Variants in PLCB1 observed in about 807,000 individuals in gnomAD.
PLCB1 encodes phospholipase C beta 1, also known as 1-phosphatidylinositol 4,5-bisphosphate phosphodiesterase beta-1.
PLCB1 carries 46 observed loss-of-function variants against 161.8 expected under a neutral mutation model. That is an observed-to-expected ratio of 0.28 (90% confidence interval 0.22 to 0.36). The LOEUF is 0.36. Ranked by LOEUF, PLCB1 falls within the 10% of genes least tolerant of loss-of-function variation. The pLI is 1.00. For synonymous variants in PLCB1, 517 were observed against 503.7 expected (o/e 1.03, Z -0.35); for missense variants, 1,016 against 1,472.5 (o/e 0.69, Z 5.07).
At chr20:8,693,921 A>G (rs1438541184) in intron 10 of PLCB1, among the ~76,000 whole-genome samples, 2 of 152,200 alleles carry the variant, frequency 1.3e-5, no homozygotes, top group Non-Finnish European at 2.9e-5. Context: ...AAGTTCAATC[A>G]TGGACTTGGA....
At chr20:8,553,866 G>A (rs1985858763) in intron 3 of PLCB1, among the ~76,000 whole-genome samples, 1 of 151,832 alleles carries the variant, frequency 6.6e-6, no homozygotes. Context: ...GCTGGGCATG[G>A]TGGTACATGC....
At chr20:8,649,263 T>C in intron 6 of PLCB1, 111 bp from the exon 7 acceptor site, 1 of 668,736 alleles carries the variant, frequency 1.5e-6, no homozygotes, top group Non-Finnish European at 2.7e-6. Context: ...TCTTTAAATA[T>C]GAATAATAAA....
At chr20:8,876,970 T>A (rs1205437275) in intron 31 of PLCB1, among the ~76,000 whole-genome samples, 1 of 152,038 alleles carries the variant, frequency 6.6e-6, no homozygotes, top group Non-Finnish European at 1.5e-5. Context: ...TTCAAGAAGA[T>A]GAGAAATACA....
intron 3 of PLCB1, among the ~76,000 whole-genome samples, chr20:8,615,058 T>C (rs1988008532): frequency 6.6e-6 from 1 of 152,200 alleles, no homozygotes; most frequent in Non-Finnish European, 1.5e-5. Context: ...TTCCTTGCAG[T>C]CTTTGTTCTA....
intron 26 of PLCB1, among the ~76,000 whole-genome samples, chr20:8,767,000 A>T (rs1982351685): frequency 6.6e-6 from 1 of 152,128 alleles, no homozygotes; most frequent in South Asian, 2.1e-4. Flanking sequence ...TTTTAAAAAG[A>T]TCGTAAAATA....
intron 16 of PLCB1, among the ~76,000 whole-genome samples, chr20:8,726,723 G>A (rs1205691132): frequency 6.6e-6 from 1 of 151,966 alleles, no homozygotes; most frequent in Non-Finnish European, 1.5e-5. Flanking sequence ...ATTTTGTGTG[G>A]GGACACACCC....
At position 8,472,066 on chromosome 20, in the gene PLCB1, G is replaced by T. The variant is rs541451547; in HGVS notation, c.246+100616G>T. On this transcript the variant is annotated intron_variant, in intron 3 of 31. Transcript: ENST00000338037. ...AAAATTTTTAAACTATTCCATATTCGTAATAAGTGAAAAAATAATTATTTT... is the reference window on the plus strand; with the variant it reads ...AAAATTTTTAAACTATTCCATATTCTTAATAAGTGAAAAAATAATTATTTT... 5.3e-5 allele frequency among the ~76,000 whole-genome samples: 8 copies of T among 152,114 alleles called. No individual in the cohort carries two copies. In the East Asian group the frequency reaches 1.4e-3, roughly 26 times the overall value.
At chr20:8,712,260 A>T (rs1004020727) in intron 12 of PLCB1, among the ~76,000 whole-genome samples, 4 of 152,064 alleles carry the variant, frequency 2.6e-5, no homozygotes, top group Non-Finnish European at 5.9e-5. Context: ...ACGCCACTGC[A>T]CTCCAGCCTG....
chr20:8,828,395 A>G (rs1220501188), intron 31 of PLCB1, among the ~76,000 whole-genome samples: 1 of 152,244 alleles, frequency 6.6e-6, no homozygotes, highest in Non-Finnish European at 1.5e-5. Flanking sequence ...AGCAATGCCA[A>G]TTATCTTCCT....
intron 2 of PLCB1, among the ~76,000 whole-genome samples, chr20:8,180,488 C>A (rs1162214134): frequency 6.6e-6 from 1 of 152,070 alleles, no homozygotes; most frequent in Non-Finnish European, 1.5e-5. Context: ...AGGCAGAAGA[C>A]CCTCCTCCTC....
chr20:8,837,161 G>A (rs1986320810), intron 31 of PLCB1, among the ~76,000 whole-genome samples: 1 of 152,066 alleles, frequency 6.6e-6, no homozygotes, highest in Non-Finnish European at 1.5e-5. Context: ...ATCACCAGAG[G>A]AAACTCTAAG....
At chr20:8,291,531 A>G (rs1209544508) in intron 2 of PLCB1, among the ~76,000 whole-genome samples, 1 of 152,236 alleles carries the variant, frequency 6.6e-6, no homozygotes, top group Non-Finnish European at 1.5e-5. Flanking sequence ...ATGTGAGTGT[A>G]TAGACACTAC....
chr20:8,421,646 T>A (rs1404851400), intron 3 of PLCB1, among the ~76,000 whole-genome samples: 1 of 152,040 alleles, frequency 6.6e-6, no homozygotes, highest in East Asian at 1.9e-4. Context: ...GTTCCCAAAC[T>A]TTTTTGGCCA....
At chr20:8,551,246 TG>T (rs1161765345) in intron 3 of PLCB1, among the ~76,000 whole-genome samples, 1 of 152,162 alleles carries the variant, frequency 6.6e-6, no homozygotes, top group Non-Finnish European at 1.5e-5. Context: ...AGAAGATCAC[TG>T]GAAGAGATTT....
At position 8,810,799 on chromosome 20, in the gene PLCB1, AC is replaced by A. The variant is rs1390675200; in HGVS notation, c.3423+20539del. On this transcript the variant is annotated intron_variant, in intron 31 of 31. Coordinates refer to ENST00000338037, the MANE Select transcript of PLCB1 (RefSeq NM_015192.4). ...GGCAACATGGCAAAACCCTATCTCT[AC>A]AAAAAATACAAAAATTAGCTAGCTG... 3.3e-5 allele frequency among the ~76,000 whole-genome samples: 5 copies of A among 152,100 alleles called. No individual in the cohort carries two copies. In the East Asian group the frequency reaches 5.8e-4, roughly 18 times the overall value.
chr20:8,671,361 C>T (rs983329519), intron 9 of PLCB1, among the ~76,000 whole-genome samples: 1 of 152,194 alleles, frequency 6.6e-6, no homozygotes, highest in African/African-American at 2.4e-5. Flanking sequence ...TTTCTCTTGT[C>T]CTCATGTTGG....
intron 3 of PLCB1, among the ~76,000 whole-genome samples, chr20:8,497,035 A>C (rs747133050): frequency 6.6e-6 from 1 of 152,220 alleles, no homozygotes; most frequent in Non-Finnish European, 1.5e-5. Flanking sequence ...CTTGCTTGAC[A>C]TAAAATTTTA....
At chr20:8,417,140 G>A (rs1452707513) in intron 3 of PLCB1, among the ~76,000 whole-genome samples, 6 of 124,952 alleles carry the variant, frequency 4.8e-5, no homozygotes, top group Non-Finnish European at 7.8e-5. Flanking sequence ...AGGCTGGAGT[G>A]CAGTGGCGCA....
At chr20:8,682,482 A>C (rs1990247930) in intron 9 of PLCB1, among the ~76,000 whole-genome samples, 1 of 152,224 alleles carries the variant, frequency 6.6e-6, no homozygotes, top group South Asian at 2.1e-4. Flanking sequence ...AGCCAAAACA[A>C]ACTTTCCTTC....
Sources: gnomAD v4.1 joint callset for allele counts (sites outside exome capture counted in the v4.1 genomes callset) on GRCh38, gnomAD v4.1.1 for gene constraint, MANE v1.5 for transcripts, NCBI Gene and HGNC (gene_info 2026-07-23, HGNC 2026-07-21) for gene names.